SCD5: variants seen among roughly 807,000 people sequenced by gnomAD.
The protein encoded by SCD5 is acyl-CoA-desaturase 4.
In SCD5, 20 loss-of-function variants were observed where a neutral mutation model predicts 30.4. That is an observed-to-expected ratio of 0.66 (90% confidence interval 0.46 to 0.96). The LOEUF is 0.96. SCD5 is among the 40% of genes least tolerant of loss of function. The pLI, the probability that SCD5 is intolerant of heterozygous loss-of-function variation, is 0.00. For missense variants in SCD5, 381 were observed against 443.3 expected, an observed-to-expected ratio of 0.86 and a Z score of 1.26; for synonymous variants, 173 against 176.4, an observed-to-expected ratio of 0.98 and a Z score of 0.16.
intron 1 of SCD5, among the ~76,000 whole-genome samples, chr4:82,720,619 A>G (rs571542318): frequency 1.6e-4 from 24 of 152,120 alleles, no homozygotes; most frequent in African/African-American, 5.8e-4. Context: ...GCAATCCCCA[A>G]TTGTGTCTGA....
In SCD5 at chr4:82,720,249, G is replaced by A. The variant is rs149283412; in HGVS notation, c.233-14836C>T. On this transcript the variant is annotated intron_variant, in intron 1 of 4. Coordinates refer to ENST00000319540, the MANE Select transcript of SCD5 (RefSeq NM_001037582.3). ...TCAAGACCAGCTTGGGCAACATAGT[G>A]AGACACCATCTCTACAGAAAAATTT... 4.4e-3 allele frequency among the ~76,000 whole-genome samples: 661 copies of A among 151,912 alleles called. 3 individuals are homozygous for A. The highest frequency in any genetic ancestry group is 0.014 in the African/African-American group (568 of 41,418).
intron 1 of SCD5, among the ~76,000 whole-genome samples, chr4:82,750,600 A>G (rs987791423): frequency 1.3e-5 from 2 of 151,908 alleles, no homozygotes; most frequent in African/African-American, 4.8e-5. Context: ...CCTCGAGAAT[A>G]TGGCTTTACT....
chr4:82,718,382 T>C (rs933138776), intron 1 of SCD5, among the ~76,000 whole-genome samples: 2 of 151,714 alleles, frequency 1.3e-5, no homozygotes, highest in Non-Finnish European at 2.9e-5. Flanking sequence ...CGTCCTCATC[T>C]CTCCGTCCTG....
chr4:82,642,502 C>T (rs1260985709), intron 3 of SCD5, among the ~76,000 whole-genome samples: 1 of 152,208 alleles, frequency 6.6e-6, no homozygotes, highest in Non-Finnish European at 1.5e-5. Flanking sequence ...CACATACTGT[C>T]CCGTGTCTAT....
intron 3 of SCD5, among the ~76,000 whole-genome samples, chr4:82,654,724 C>T (rs2148815504): frequency 6.6e-6 from 1 of 152,268 alleles, no homozygotes; most frequent in South Asian, 2.1e-4. Context: ...TGCAACTTGT[C>T]TGGTCAATGT....
At chr4:82,726,307 C>T (rs1394313569) in intron 1 of SCD5, among the ~76,000 whole-genome samples, 1 of 151,620 alleles carries the variant, frequency 6.6e-6, no homozygotes, top group African/African-American at 2.4e-5. Context: ...ATCCCAGCTA[C>T]TCGGGAGGCT....
intron 1 of SCD5, among the ~76,000 whole-genome samples, chr4:82,763,873 T>C (rs984133479): frequency 6.6e-6 from 1 of 152,192 alleles, no homozygotes; most frequent in Non-Finnish European, 1.5e-5. Flanking sequence ...GCAGCAACAA[T>C]ATAATCCCAA....
At chr4:82,747,145 G>A (rs1045655714) in intron 1 of SCD5, among the ~76,000 whole-genome samples, 3 of 150,822 alleles carry the variant, frequency 2.0e-5, no homozygotes, top group African/African-American at 4.8e-5. Flanking sequence ...CATCACTCCT[G>A]TCACACTCCT....
chr4:82,687,173 GAAA>G (rs58937590), intron 2 of SCD5, among the ~76,000 whole-genome samples: 131 of 108,626 alleles, frequency 1.2e-3, no homozygotes, highest in African/African-American at 4.2e-3. Flanking sequence ...CTTGTTACAA[GAAA>G]AAAAAAAAAA....
intron 3 of SCD5, among the ~76,000 whole-genome samples, chr4:82,657,077 G>C (rs1727881353): frequency 6.6e-6 from 1 of 152,010 alleles, no homozygotes; most frequent in Non-Finnish European, 1.5e-5. Flanking sequence ...AGTTTCTTTT[G>C]CTGTGCAGAA....
intron 4 of SCD5, among the ~76,000 whole-genome samples, chr4:82,635,920 T>G (rs1000437354): frequency 1.1e-4 from 16 of 152,162 alleles, no homozygotes; most frequent in Non-Finnish European, 1.6e-4. Flanking sequence ...AAGGCCTTTT[T>G]TCTTAAGCTC....
intron 3 of SCD5, among the ~76,000 whole-genome samples, chr4:82,669,638 T>G (rs1011102834): frequency 4.0e-5 from 6 of 151,650 alleles, no homozygotes; most frequent in Non-Finnish European, 7.4e-5. Context: ...TCATAGGGAG[T>G]CCCCCATGCT....
intron 1 of SCD5, among the ~76,000 whole-genome samples, chr4:82,736,622 C>A (rs1429562494): frequency 1.3e-5 from 2 of 150,576 alleles, no homozygotes; most frequent in African/African-American, 2.4e-5. Context: ...AAAAAAAAAT[C>A]ATTCTTAATA....
chr4:82,758,976 C>T (rs1721288386), intron 1 of SCD5, among the ~76,000 whole-genome samples: 1 of 152,268 alleles, frequency 6.6e-6, no homozygotes, highest in African/African-American at 2.4e-5. Context: ...CACCCTGACT[C>T]AAGCCTCCGC....
At chr4:82,759,650 A>T (rs1253453648) in intron 1 of SCD5, among the ~76,000 whole-genome samples, 6 of 98,028 alleles carry the variant, frequency 6.1e-5, no homozygotes, top group Admixed American at 1.2e-4. Context: ...CCCCGTCTTA[A>T]AAAAAAAAAA....
At chr4:82,661,507 G>T (rs1728006774) in intron 3 of SCD5, among the ~76,000 whole-genome samples, 1 of 152,176 alleles carries the variant, frequency 6.6e-6, no homozygotes, top group Admixed American at 6.5e-5. Flanking sequence ...ATTTTTAAAA[G>T]GGACTCAGCC....
At chr4:82,659,450 T>A (rs1727938150) in intron 3 of SCD5, among the ~76,000 whole-genome samples, 1 of 152,232 alleles carries the variant, frequency 6.6e-6, no homozygotes, top group Non-Finnish European at 1.5e-5. Context: ...TCTTTCCTGC[T>A]TTCTCCTGTG....
At chr4:82,743,798 C>T (rs1050223830) in intron 1 of SCD5, among the ~76,000 whole-genome samples, 2 of 152,032 alleles carry the variant, frequency 1.3e-5, no homozygotes, top group African/African-American at 2.4e-5. Context: ...GCTGAGATTA[C>T]AGGCATGACC....
intron 1 of SCD5, among the ~76,000 whole-genome samples, chr4:82,778,317 C>T (rs576637187): frequency 6.6e-6 from 1 of 152,232 alleles, no homozygotes; most frequent in Admixed American, 6.5e-5. Flanking sequence ...AAGATGTCAC[C>T]CCAGGGACCT....
Sources: allele counts gnomAD v4.1 joint callset (sites outside exome capture counted in the v4.1 genomes callset), GRCh38; gene constraint gnomAD v4.1.1; transcripts MANE v1.5; gene names NCBI Gene and HGNC (gene_info 2026-07-23, HGNC 2026-07-21).